The following SLFN12 variants were observed in gnomAD, a reference collection of about 807,000 sequenced individuals.
SLFN12 encodes the protein schlafen family member 12.
Under a neutral mutation model 29.1 loss-of-function variants are expected in SLFN12, and 25 were observed. The ratio of observed to expected loss-of-function variants is 0.86; its 90% CI spans 0.63 to 1.20. SLFN12 has a LOEUF of 1.20. SLFN12 is among the 50% of genes most tolerant of loss of function. The pLI is 0.00. For synonymous variants in SLFN12, 257 were observed against 238.7 expected, an observed-to-expected ratio of 1.08 and a Z score of -0.71; for missense variants, 660 against 666.2, an observed-to-expected ratio of 0.99 and a Z score of 0.10.
chr17:35,430,856 G>T (rs902145645), intron 1 of SLFN12, among the ~76,000 whole-genome samples: 1 of 152,094 alleles, frequency 6.6e-6, no homozygotes, highest in Non-Finnish European at 1.5e-5. Context: ...GACTCTAAGT[G>T]CCAGCAGCTG....
chr17:35,423,409 G>A (rs1386664022), intron 1 of SLFN12, among the ~76,000 whole-genome samples: 3 of 151,780 alleles, frequency 2.0e-5, no homozygotes, highest in Admixed American at 2.0e-4. Flanking sequence ...TATCTTCTCA[G>A]TGAACCAGGC....
intron 1 of SLFN12, among the ~76,000 whole-genome samples, chr17:35,430,814 C>T (rs1912272579): frequency 6.6e-6 from 1 of 152,162 alleles, no homozygotes; most frequent in African/African-American, 2.4e-5. Context: ...ACAACTGAAT[C>T]TCTTAATCTT....
intron 1 of SLFN12, among the ~76,000 whole-genome samples, chr17:35,423,828 C>T (rs1911846616): frequency 6.6e-6 from 1 of 151,126 alleles, no homozygotes; most frequent in African/African-American, 2.5e-5. Flanking sequence ...GATTAGTACT[C>T]TCCTAAAAGG....
intron 1 of SLFN12, among the ~76,000 whole-genome samples, chr17:35,428,124 A>G (rs1912112223): frequency 6.6e-6 from 1 of 152,172 alleles, no homozygotes; most frequent in South Asian, 2.1e-4. Context: ...GAAATTATGT[A>G]AGTATATAGA....
intron 3 of SLFN12, among the ~76,000 whole-genome samples, chr17:35,416,178 A>T (rs750906358): frequency 1.1e-4 from 17 of 152,174 alleles, no homozygotes; most frequent in Non-Finnish European, 2.1e-4. Flanking sequence ...CAGTCATAAA[A>T]AGGAATGAAA....
chr17:35,423,545 C>A (rs1297631251), intron 1 of SLFN12, among the ~76,000 whole-genome samples: 1 of 152,066 alleles, frequency 6.6e-6, no homozygotes, highest in Non-Finnish European at 1.5e-5. Context: ...TGACATCCAA[C>A]ATGTCATGTT....
At position 35,411,867 on chromosome 17, in the gene SLFN12, T is replaced by A; in HGVS notation, c.1208A>T (p.His403Leu). Residue 403 changes from histidine (H) to leucine (L), a missense_variant, in exon 4 of 4, where the codon CAT (histidine) becomes CTT (leucine). Coordinates refer to ENST00000304905, the MANE Select transcript of SLFN12 (RefSeq NM_018042.5). ...ENLCRKLFLQ[H>L]EGLKQLICEE... ...ACATATTAATTGCTTAAGTCCTTCA[T>A]GTTGTAAGAACAGTTTTCTGCAAAG... 6 of 1,613,840 alleles carry A rather than the reference T, an allele frequency of 3.7e-6. No individual in the cohort carries two copies. Among genetic ancestry groups the A allele is most frequent in the Non-Finnish European group, 5.1e-6 (6 of 1,179,936 alleles).
intron 3 of SLFN12, among the ~76,000 whole-genome samples, chr17:35,413,527 C>G (rs1911152876): frequency 6.6e-6 from 1 of 152,054 alleles, no homozygotes; most frequent in Non-Finnish European, 1.5e-5. Context: ...GCAGGTGGAT[C>G]ACCTGAGGTC....
chr17:35,411,895 T>A lies in SLFN12; in HGVS notation c.1180A>T (p.Asn394Tyr), dbSNP rs778620746. The A allele has an allele frequency of 6.2e-7, 1 of 1,611,966 alleles. No homozygotes were observed. The highest frequency in any genetic ancestry group is 1.7e-5 in the Admixed American group (1 of 59,874). Residue 394 changes from asparagine (N) to tyrosine (Y), a missense_variant, in exon 4 of 4, where the codon AAC becomes TAC. Coordinates refer to ENST00000304905, the MANE Select transcript of SLFN12 (RefSeq NM_018042.5). The part of the protein sequence containing the change: ...LSGRITYTPE[N>Y]LCRKLFLQHE... ...TGTAAGAACAGTTTTCTGCAAAGGTTTTCTGGAGTATACGTTATCCTTCCT... is the reference window on the plus strand; with the variant it reads ...TGTAAGAACAGTTTTCTGCAAAGGTATTCTGGAGTATACGTTATCCTTCCT...
intron 3 of SLFN12, among the ~76,000 whole-genome samples, chr17:35,417,836 A>C (rs1911402338): frequency 1.3e-5 from 2 of 152,062 alleles, no homozygotes; most frequent in Non-Finnish European, 2.9e-5. Flanking sequence ...AGCAATAAAC[A>C]AGAAAATGGA....
chr17:35,430,754 T>G (rs941991611), intron 1 of SLFN12: 2 of 152,092 alleles, frequency 1.3e-5, no homozygotes, highest in Non-Finnish European at 2.9e-5. Context: ...AATAATGAAC[T>G]AAATAAAGAA....
At chr17:35,421,712 T>G (rs1198095679) in intron 2 of SLFN12, among the ~76,000 whole-genome samples, 1 of 151,896 alleles carries the variant, frequency 6.6e-6, no homozygotes, top group Non-Finnish European at 1.5e-5. Flanking sequence ...GCTAATTTTT[T>G]GTATTTTTAG....
At chr17:35,413,287 A>T (rs1911132838) in intron 3 of SLFN12, among the ~76,000 whole-genome samples, 1 of 152,108 alleles carries the variant, frequency 6.6e-6, no homozygotes, top group African/African-American at 2.4e-5. Context: ...AAAATTGAAG[A>T]GGAGGAAATA....
intron 3 of SLFN12, among the ~76,000 whole-genome samples, chr17:35,415,580 A>G (rs1455992064): frequency 6.6e-6 from 1 of 152,160 alleles, no homozygotes; most frequent in Non-Finnish European, 1.5e-5. Context: ...GACAATCCAC[A>G]GAGTGGGAGA....
At chr17:35,428,461 T>C (rs1468286872) in intron 1 of SLFN12, among the ~76,000 whole-genome samples, 1 of 152,114 alleles carries the variant, frequency 6.6e-6, no homozygotes, top group Non-Finnish European at 1.5e-5. Context: ...ACTTTTCCCC[T>C]GTAATTTTTG....
At chr17:35,416,544 A>G (rs943015070) in intron 3 of SLFN12, among the ~76,000 whole-genome samples, 1 of 152,168 alleles carries the variant, frequency 6.6e-6, no homozygotes, top group Non-Finnish European at 1.5e-5. Context: ...TAGAAAAAGC[A>G]TACATTTTAA....
At chr17:35,424,364 A>T (rs575784408) in intron 1 of SLFN12, among the ~76,000 whole-genome samples, 3 of 152,068 alleles carry the variant, frequency 2.0e-5, no homozygotes, top group Admixed American at 2.0e-4. Flanking sequence ...AAAAAAGTGT[A>T]ATTTATGTGT....
intron 3 of SLFN12, among the ~76,000 whole-genome samples, chr17:35,413,263 C>T (rs1385889742): frequency 1.4e-5 from 2 of 147,732 alleles, no homozygotes; most frequent in African/African-American, 5.4e-5. Flanking sequence ...CAATCCTTCT[C>T]AGACTCTTCC....
At chr17:35,424,180 A>T (rs1450744764) in intron 1 of SLFN12, among the ~76,000 whole-genome samples, 1 of 152,164 alleles carries the variant, frequency 6.6e-6, no homozygotes, top group East Asian at 1.9e-4. Flanking sequence ...CTTTTTTTTA[A>T]GTGTAACTTA....
Sources: gnomAD v4.1 joint callset for allele counts (sites outside exome capture counted in the v4.1 genomes callset) on GRCh38, gnomAD v4.1.1 for gene constraint, MANE v1.5 for transcripts, NCBI Gene and HGNC (gene_info 2026-07-23, HGNC 2026-07-21) for gene names.